Variants in VPS50 observed in about 807,000 individuals in gnomAD.
The protein encoded by VPS50 is syndetin.
Under a neutral mutation model 139.7 loss-of-function variants are expected in VPS50, and 70 were observed. The ratio of observed to expected loss-of-function variants is 0.50; its 90% CI spans 0.41 to 0.61. The LOEUF is 0.61. Ranked by LOEUF, VPS50 falls within the 20% of genes least tolerant of loss-of-function variation. The probability of loss-of-function intolerance (pLI) is 0.00; values close to 1 mark genes in which losing one functional copy is unlikely to be tolerated. For synonymous variants in VPS50, 365 were observed against 376.7 expected, an observed-to-expected ratio of 0.97 and a Z score of 0.36; for missense variants, 921 against 1,133.7, an observed-to-expected ratio of 0.81 and a Z score of 2.69.
At chr7:93,232,679 A>C (rs1794671494) in intron 1 of VPS50, among the ~76,000 whole-genome samples, 179 bp downstream of exon 1, 1 of 152,154 alleles carries the variant, frequency 6.6e-6, no homozygotes, top group Non-Finnish European at 1.5e-5. Context: ...GGGTTGGAGC[A>C]CTGCTCCAGC....
At chr7:93,257,525 A>C (rs1795524107) in intron 6 of VPS50, 61 bp downstream of exon 6, 1 of 911,076 alleles carries the variant, frequency 1.1e-6, no homozygotes, top group South Asian at 1.5e-5. Flanking sequence ...ATAACTATGG[A>C]ATCTATAATT....
intron 2 of VPS50, among the ~76,000 whole-genome samples, chr7:93,249,154 G>A (rs1054914497): frequency 6.6e-6 from 1 of 152,036 alleles, no homozygotes; most frequent in Non-Finnish European, 1.5e-5. Context: ...GGAAAGAATA[G>A]CATTTGACAT....
intron 21 of VPS50, among the ~76,000 whole-genome samples, chr7:93,332,132 G>A (rs954103329): frequency 6.6e-6 from 1 of 152,130 alleles, no homozygotes; most frequent in African/African-American, 2.4e-5. Context: ...GCATAGACTC[G>A]GCTGCTAAAG....
chr7:93,264,056 C>T (rs557423777), intron 9 of VPS50, among the ~76,000 whole-genome samples: 5 of 152,088 alleles, frequency 3.3e-5, no homozygotes, highest in South Asian at 2.1e-4. Flanking sequence ...CTTGAGTATC[C>T]GTGGATTTTG....
intron 12 of VPS50, among the ~76,000 whole-genome samples, chr7:93,286,414 G>C (rs3802058): frequency 0.19 from 28,877 of 151,988 alleles, 3,869 homozygotes; most frequent in East Asian, 0.4. Context: ...TAGGTATTTA[G>C]TAATAAATGA....
Position 93,304,179 on chromosome 7 carries a change from T to C in VPS50, c.1452+629T>C, listed in dbSNP as rs376040854. On this transcript the variant is annotated intron_variant, in intron 17 of 27. Transcript: ENST00000305866. ...TAGATAAATATTCTTGTGTGAAAGA[T>C]TGTGTTCTGGAAATATCAAGTGTCA... Among the ~76,000 whole-genome samples the C allele has an allele frequency of 7.9e-5, 12 of 151,980 alleles. No individual in the cohort carries two copies. In the East Asian group the frequency reaches 2.3e-3, roughly 29 times the overall value.
At chr7:93,326,422 A>G (rs1364095728) in intron 21 of VPS50, among the ~76,000 whole-genome samples, 2 of 149,832 alleles carry the variant, frequency 1.3e-5, no homozygotes, top group Non-Finnish European at 3.0e-5. Context: ...CATTATGCAC[A>G]TGTACCCTAA....
chr7:93,254,658 T>G (rs910861749), intron 4 of VPS50, among the ~76,000 whole-genome samples: 7 of 152,180 alleles, frequency 4.6e-5, no homozygotes, highest in African/African-American at 1.7e-4. Context: ...GTAAATCATT[T>G]AACCTCAGTG....
chr7:93,325,573 G>A (rs886852770), intron 21 of VPS50, among the ~76,000 whole-genome samples: 1 of 151,870 alleles, frequency 6.6e-6, no homozygotes, highest in African/African-American at 2.4e-5. Flanking sequence ...CTAATATCCA[G>A]AATCTACAAT....
chr7:93,355,683 G>A (rs1003303214), intron 26 of VPS50, among the ~76,000 whole-genome samples: 1 of 152,210 alleles, frequency 6.6e-6, no homozygotes, highest in African/African-American at 2.4e-5. Context: ...CTTTGCAAAT[G>A]AGAAAACTGA....
chr7:93,249,099 T>C (rs1043771489), intron 2 of VPS50, among the ~76,000 whole-genome samples: 1 of 152,106 alleles, frequency 6.6e-6, no homozygotes, highest in African/African-American at 2.4e-5. Context: ...TTTGAAATTA[T>C]ATGGGGTTGT....
At chr7:93,296,875 C>A (rs1279231657) in intron 15 of VPS50, 39 bp downstream of exon 15, 1 of 1,548,682 alleles carries the variant, frequency 6.5e-7, no homozygotes, top group South Asian at 1.2e-5. Context: ...TAGTTTGAGT[C>A]ATTCAACCAT....
chr7:93,315,496 C>T (rs373320012), intron 20 of VPS50, among the ~76,000 whole-genome samples: 64 of 152,266 alleles, frequency 4.2e-4, no homozygotes, highest in East Asian at 1.2e-3. Flanking sequence ...AGGTTACTAA[C>T]GAGCTTACTA....
At chr7:93,308,795 C>T (rs761881844) in intron 18 of VPS50, 29 bp from the exon 19 acceptor site, 8 of 1,289,864 alleles carry the variant, frequency 6.2e-6, no homozygotes, top group Admixed American at 1.7e-5. Context: ...CCTTTATACT[C>T]ATTTTTTAAT....
chr7:93,345,713 G>C (rs1195514955), intron 23 of VPS50, among the ~76,000 whole-genome samples: 1 of 152,114 alleles, frequency 6.6e-6, no homozygotes, highest in Non-Finnish European at 1.5e-5. Context: ...ATAAACAGAA[G>C]CAAAGACGAA....
intron 9 of VPS50, 71 bp downstream of exon 9, chr7:93,259,703 T>A (rs552294557): frequency 1.3e-6 from 1 of 781,114 alleles, no homozygotes; most frequent in African/African-American, 1.7e-5. Flanking sequence ...GTAAAAATGT[T>A]AATAAACATT....
In VPS50 at chr7:93,341,664, C is replaced by T. The variant is rs60907166; in HGVS notation, c.2207+89C>T. On this transcript the variant is annotated intron_variant, in intron 23 of 27. Coordinates refer to ENST00000305866, the MANE Select transcript of VPS50 (RefSeq NM_017667.4). ...GTTTAATTAGACTTCTAGTTAGCTGCATACATCTACCACTTCTAAATATCA... is the reference window on the plus strand; with the variant it reads ...GTTTAATTAGACTTCTAGTTAGCTGTATACATCTACCACTTCTAAATATCA... 1,910 of 755,164 alleles carry T rather than the reference C, an allele frequency of 2.5e-3. 26 individuals carry two copies. In the African/African-American group the frequency reaches 0.026, roughly 10 times the overall value. 46.8% of individuals were successfully genotyped at this position (755,164 alleles called of 1,614,324 possible).
At chr7:93,287,359 A>G (rs1243941374) in intron 12 of VPS50, among the ~76,000 whole-genome samples, 2 of 151,928 alleles carry the variant, frequency 1.3e-5, no homozygotes, top group Non-Finnish European at 2.9e-5. Context: ...CTGTGTGTGT[A>G]TATCTCATCC....
chr7:93,254,601 CCT>C (rs1795433405), intron 4 of VPS50, among the ~76,000 whole-genome samples: 1 of 152,092 alleles, frequency 6.6e-6, no homozygotes, highest in African/African-American at 2.4e-5. Flanking sequence ...TTAATGTCCC[CCT>C]GAGATTCAGA....
Sources: gnomAD v4.1 joint callset for allele counts (sites outside exome capture counted in the v4.1 genomes callset) on GRCh38, gnomAD v4.1.1 for gene constraint, MANE v1.5 for transcripts, NCBI Gene and HGNC (gene_info 2026-07-23, HGNC 2026-07-21) for gene names.